The following RASEF variants were observed in gnomAD, a reference collection of about 807,000 sequenced individuals.
RASEF encodes ras and EF-hand domain-containing protein.
Under a neutral mutation model 90.1 loss-of-function variants are expected in RASEF, and 68 were observed. The observed-to-expected ratio is 0.75, with a 90% confidence interval of 0.62 to 0.92. RASEF has a LOEUF of 0.92. Among genes scored for constraint, RASEF ranks in the 40% least tolerant of loss-of-function variants. The probability of loss-of-function intolerance (pLI) is 0.00; values close to 1 mark genes in which losing one functional copy is unlikely to be tolerated. For missense variants in RASEF, 949 were observed against 937.2 expected (o/e 1.01, Z -0.16); for synonymous variants, 331 against 345.2 (o/e 0.96, Z 0.46).
At chr9:83,026,307 C>A (rs1829547583) in intron 1 of RASEF, among the ~76,000 whole-genome samples, 1 of 152,152 alleles carries the variant, frequency 6.6e-6, no homozygotes. Flanking sequence ...ATCGTCATAA[C>A]AGTGGGTGTA....
At chr9:83,022,142 G>A (rs960547977) in intron 3 of RASEF, among the ~76,000 whole-genome samples, 194 bp downstream of exon 3, 1 of 151,996 alleles carries the variant, frequency 6.6e-6, no homozygotes, top group Non-Finnish European at 1.5e-5. Flanking sequence ...TATTTGCTTT[G>A]CTTATTTATT....
intron 1 of RASEF, among the ~76,000 whole-genome samples, chr9:83,033,416 C>G (rs1829680565): frequency 1.3e-5 from 2 of 152,148 alleles, no homozygotes; most frequent in Admixed American, 1.3e-4. Context: ...CTGAAGTATG[C>G]ATAGATGTCA....
At chr9:83,218,526 G>T in the RASEF span, among the ~76,000 whole-genome samples, 1 of 151,982 alleles carries the variant, frequency 6.6e-6, no homozygotes, top group South Asian at 2.1e-4. Flanking sequence ...AGACCGTGGG[G>T]GTAGGACCTG....
chr9:83,062,437 C>T lies in RASEF; in HGVS notation c.431G>A (p.Arg144Lys). 2 of 1,612,942 alleles carry T rather than the reference C, an allele frequency of 1.2e-6. No individual in the cohort carries two copies. Among genetic ancestry groups the T allele is most frequent in the African/African-American group, 1.3e-5 (1 of 75,026 alleles). The change falls in exon 1 of 17, where the codon AGA (arginine) becomes AAA (lysine). Residue 144 changes from arginine (R) to lysine (K), a missense_variant and splice_region_variant. Arg to Lys is a conservative substitution (Grantham distance 26). This residue lies in a region of RASEF where 656 missense variants were observed against 592.2 expected (regional missense o/e 1.11). Coordinates refer to ENST00000376447, the MANE Select transcript of RASEF (RefSeq NM_152573.4). ...TCCCGCCCCCAGCTCACACTCGCAC[C>T]TGGGAATGAACTTGGCTTCGTCCCC... ...RLGDEAKFIP[R>K]EEQVSTLYQN...
At chr9:83,066,252 C>T (rs114371539), upstream of RASEF, among the ~76,000 whole-genome samples, 668 of 152,314 alleles carry the variant, frequency 4.4e-3, 7 homozygotes, top group African/African-American at 0.015. Flanking sequence ...GCTTTTCTCT[C>T]TTCTGTCTAA....
chr9:83,039,557 G>A (rs1357267251), intron 1 of RASEF, among the ~76,000 whole-genome samples: 1 of 152,132 alleles, frequency 6.6e-6, no homozygotes, highest in Non-Finnish European at 1.5e-5. Flanking sequence ...ACAGGGTTAG[G>A]GAGAGGACTA....
chr9:83,195,240 T>G, the RASEF span, among the ~76,000 whole-genome samples: 1 of 152,200 alleles, frequency 6.6e-6, no homozygotes, highest in Non-Finnish European at 1.5e-5. Flanking sequence ...CACTCACCCA[T>G]GGGAGGTAGT....
At chr9:83,113,935 C>A in the RASEF span, among the ~76,000 whole-genome samples, 1 of 152,146 alleles carries the variant, frequency 6.6e-6, no homozygotes, top group Non-Finnish European at 1.5e-5. Context: ...ACCCCCTCTC[C>A]TTTTAAAATC....
chr9:83,137,047 T>C, the RASEF span, among the ~76,000 whole-genome samples: 4 of 152,142 alleles, frequency 2.6e-5, no homozygotes, highest in African/African-American at 9.6e-5. Flanking sequence ...TTTTTATATG[T>C]ACTTCTTTAT....
At chr9:83,003,147 A>C (rs1313965299) in intron 9 of RASEF, among the ~76,000 whole-genome samples, 1 of 152,222 alleles carries the variant, frequency 6.6e-6, no homozygotes, top group Non-Finnish European at 1.5e-5. Flanking sequence ...GATGTACAAC[A>C]TGCTTTTATT....
chr9:83,137,380 T>C, the RASEF span, among the ~76,000 whole-genome samples: 3 of 152,264 alleles, frequency 2.0e-5, no homozygotes, highest in African/African-American at 7.2e-5. Context: ...AATAAAAAGA[T>C]AATAATCATA....
the RASEF span, among the ~76,000 whole-genome samples, chr9:83,157,142 G>A: frequency 7.2e-5 from 11 of 152,294 alleles, no homozygotes; most frequent in South Asian, 6.2e-4. Context: ...AAAATGGCCC[G>A]CAAGACACAC....
chr9:83,195,641 T>C, the RASEF span, among the ~76,000 whole-genome samples: 3 of 152,130 alleles, frequency 2.0e-5, no homozygotes, highest in Non-Finnish European at 4.4e-5. Flanking sequence ...GGAATACAGA[T>C]AATAAAGAAA....
At chr9:83,095,018 A>T in the RASEF span, among the ~76,000 whole-genome samples, 4 of 152,162 alleles carry the variant, frequency 2.6e-5, no homozygotes, top group Non-Finnish European at 5.9e-5. Flanking sequence ...ATTGGAAGAG[A>T]GGCCTATTAG....
chr9:83,145,850 C>T, the RASEF span, among the ~76,000 whole-genome samples: 1 of 151,936 alleles, frequency 6.6e-6, no homozygotes, highest in African/African-American at 2.4e-5. Context: ...TCCCTAGTGG[C>T]CAAGGCAAAG....
intron 1 of RASEF, among the ~76,000 whole-genome samples, chr9:83,043,658 A>G (rs1020478603): frequency 6.6e-6 from 1 of 152,100 alleles, no homozygotes; most frequent in African/African-American, 2.4e-5. Context: ...AACCAGAAGC[A>G]CCCCCAGGCA....
chr9:83,116,083 C>T, the RASEF span, among the ~76,000 whole-genome samples: 14 of 152,180 alleles, frequency 9.2e-5, no homozygotes, highest in African/African-American at 3.4e-4. Flanking sequence ...CTTGGAACTC[C>T]CTGCCAAGGC....
intron 1 of RASEF, among the ~76,000 whole-genome samples, chr9:83,029,598 G>T (rs1441347400): frequency 6.7e-6 from 1 of 149,308 alleles, no homozygotes; most frequent in East Asian, 2.0e-4. Flanking sequence ...TAGGGACGGG[G>T]TTTCACCATG....
the RASEF span, among the ~76,000 whole-genome samples, chr9:83,080,064 A>G: frequency 6.6e-6 from 1 of 152,246 alleles, no homozygotes; most frequent in Non-Finnish European, 1.5e-5. Context: ...CCTAAAAATA[A>G]TTCGGAATAA....
Sources: gnomAD v4.1 joint callset for allele counts (sites outside exome capture counted in the v4.1 genomes callset) on GRCh38, gnomAD v4.1.1 for gene constraint, gnomAD v4.1.1 regional missense constraint, MANE v1.5 for transcripts, NCBI Gene and HGNC (gene_info 2026-07-23, HGNC 2026-07-21) for gene names.